Variants in DACH2 observed in about 807,000 individuals in gnomAD.
DACH2 encodes dachshund homolog 2.
DACH2 carries 17 observed loss-of-function variants against 35.8 expected under a neutral mutation model. The ratio of observed to expected loss-of-function variants is 0.48; its 90% CI spans 0.33 to 0.71. DACH2 has a LOEUF of 0.71. Among genes scored for constraint, DACH2 ranks in the 30% least tolerant of loss-of-function variants. The pLI is 0.02. For missense variants in DACH2, 469 were observed against 472.7 expected (o/e 0.99, Z 0.07); for synonymous variants, 195 against 177.3 (o/e 1.10, Z -0.79).
chrX:86,294,821 C>T (rs1164170387), intron 1 of DACH2, among the ~76,000 whole-genome samples: 2 of 105,866 alleles, frequency 1.9e-5, no homozygotes, highest in Non-Finnish European at 3.9e-5. Context: ...CTGCTCTCTT[C>T]AAAGCTGTCA....
chrX:86,746,260 T>C (rs1157028710), intron 7 of DACH2, among the ~76,000 whole-genome samples: 1 of 111,578 alleles, frequency 9.0e-6, no homozygotes, highest in South Asian at 3.7e-4. Flanking sequence ...TTCACATGTA[T>C]ATATACTTAG....
At chrX:86,377,994 T>G (rs1246582112) in intron 2 of DACH2, among the ~76,000 whole-genome samples, 2 of 110,658 alleles carry the variant, frequency 1.8e-5, no homozygotes, top group African/African-American at 6.5e-5. Context: ...TAGATTTTAT[T>G]AATGACTGAG....
At chrX:86,359,059 G>C (rs2035690809) in intron 1 of DACH2, among the ~76,000 whole-genome samples, 1 of 103,466 alleles carries the variant, frequency 9.7e-6, no homozygotes, top group South Asian at 4.7e-4. Context: ...CAGAGAAAGG[G>C]AGAAATAGAA....
chrX:86,441,376 G>A (rs1163782502), intron 2 of DACH2, among the ~76,000 whole-genome samples: 2 of 111,029 alleles, frequency 1.8e-5, no homozygotes, highest in African/African-American at 3.3e-5. Flanking sequence ...TGTGAAGATT[G>A]TCTTTCTATG....
chrX:86,609,677 T>C (rs2039904303), intron 3 of DACH2, among the ~76,000 whole-genome samples: 1 of 111,984 alleles, frequency 8.9e-6, no homozygotes, highest in African/African-American at 3.3e-5. Flanking sequence ...AATGGGAACC[T>C]CAAGCCCAGT....
intron 1 of DACH2, among the ~76,000 whole-genome samples, chrX:86,280,289 T>G (rs984090667): frequency 2.7e-5 from 3 of 111,963 alleles, no homozygotes; most frequent in African/African-American, 6.5e-5. Context: ...AGAGAGTGGG[T>G]GCCAATATTC....
chrX:86,557,181 G>A (rs1043577830), intron 3 of DACH2, among the ~76,000 whole-genome samples: 4 of 110,691 alleles, frequency 3.6e-5, no homozygotes, highest in African/African-American at 9.8e-5. Context: ...TACCCACATT[G>A]GTAAGGGTGG....
At chrX:86,289,472 C>T (rs2034225724) in intron 1 of DACH2, among the ~76,000 whole-genome samples, 1 of 107,495 alleles carries the variant, frequency 9.3e-6, no homozygotes, top group South Asian at 4.2e-4. Context: ...GCATAATGTG[C>T]AGGTTAGTTA....
At position 86,345,899 on chromosome X, in the gene DACH2, C is replaced by G. The variant is rs900606775; in HGVS notation, c.489-30925C>G. Among the ~76,000 whole-genome samples, 3 of 111,969 alleles carry G rather than the reference C, an allele frequency of 2.7e-5. No individual in the cohort carries two copies. In the Admixed American group the frequency reaches 2.9e-4, roughly 11 times the overall value. Reference sequence around the variant, plus strand: ...AAAAATACTGCTTATTGCTAGCAATCTACATTTTTTATATTGCATGATTAA... The same window carrying G: ...AAAAATACTGCTTATTGCTAGCAATGTACATTTTTTATATTGCATGATTAA... On this transcript the variant is annotated intron_variant, in intron 1 of 11. Transcript: ENST00000373125.
In DACH2 at chrX:86,641,983, A is replaced by C. The variant is rs764495563; in HGVS notation, c.641-9053A>C. Among the ~76,000 whole-genome samples the C allele has an allele frequency of 3.6e-5, 4 of 112,053 alleles. No individual in the cohort carries two copies. In the South Asian group the frequency reaches 1.5e-3, roughly 42 times the overall value. ...CCACTAAATATAGAAAGGAAAGATC[A>C]CTACCAGCTAAGACAAAAACACACT... On this transcript the variant is annotated intron_variant, in intron 3 of 11. Transcript: ENST00000373125.
rs527518805 is a variant in DACH2, at chrX:86,514,699, C to T, written c.640+308C>T. Among the ~76,000 whole-genome samples the T allele has an allele frequency of 8.1e-5, 9 of 111,615 alleles. No individual in the cohort carries two copies. In the South Asian group the frequency reaches 2.6e-3, roughly 33 times the overall value. On this transcript the variant is annotated intron_variant, in intron 3 of 11. Transcript: ENST00000373125. ...GGCACTGGCCCAAACAGCATCATCTCGAAGCCTCCTATAGGGTGCAGCACT... is the reference window on the plus strand; with the variant it reads ...GGCACTGGCCCAAACAGCATCATCTTGAAGCCTCCTATAGGGTGCAGCACT...
rs146097530 is a variant in DACH2, at chrX:86,401,011, C to G, written c.527+24149C>G. Reference sequence around the variant, plus strand: ...ACAGAGGCAGGCAGGCCTCCTTGAGCTGTGGTGGACTCCACACAGTTTGAG... The same window carrying G: ...ACAGAGGCAGGCAGGCCTCCTTGAGGTGTGGTGGACTCCACACAGTTTGAG... On this transcript the variant is annotated intron_variant, in intron 2 of 11. Transcript: ENST00000373125. 3.8e-3 allele frequency among the ~76,000 whole-genome samples: 430 copies of G among 112,544 alleles called. 1 individual carries two copies. The highest frequency in any genetic ancestry group is 9.9e-3 in the South Asian group (27 of 2,724).
chrX:86,402,057 G>A (rs1045108894), intron 2 of DACH2, among the ~76,000 whole-genome samples: 1 of 111,944 alleles, frequency 8.9e-6, no homozygotes, highest in Admixed American at 9.5e-5. Context: ...TGCCGTCTAT[G>A]ACAAACCCAC....
intron 3 of DACH2, among the ~76,000 whole-genome samples, chrX:86,628,940 G>C (rs7066341): frequency 0.12 from 13,918 of 111,449 alleles, 749 homozygotes; most frequent in East Asian, 0.32. Context: ...AAACACATTT[G>C]AATTTTCATT....
chrX:86,444,239 C>T (rs915709756), intron 2 of DACH2, among the ~76,000 whole-genome samples: 10 of 111,347 alleles, frequency 9.0e-5, no homozygotes, highest in South Asian at 3.7e-4. Flanking sequence ...GCACACACCA[C>T]GATAACTGGT....
intron 5 of DACH2, among the ~76,000 whole-genome samples, chrX:86,696,781 C>T (rs1358161221): frequency 9.0e-6 from 1 of 111,013 alleles, no homozygotes; most frequent in Non-Finnish European, 1.9e-5. Context: ...TATGGGGCCC[C>T]TACACTTTCA....
chrX:86,499,460 T>C (rs1164113015), intron 2 of DACH2, among the ~76,000 whole-genome samples: 2 of 111,403 alleles, frequency 1.8e-5, no homozygotes, highest in Non-Finnish European at 3.8e-5. Flanking sequence ...CCACAAGGCA[T>C]AGAGGAGGTC....
intron 3 of DACH2, among the ~76,000 whole-genome samples, chrX:86,641,415 A>G (rs1263922030): frequency 1.8e-5 from 2 of 112,249 alleles, no homozygotes; most frequent in African/African-American, 3.2e-5. Context: ...GAAAGAAAAT[A>G]AAAATGAATG....
chrX:86,195,113 T>C (rs2031942625), intron 1 of DACH2, among the ~76,000 whole-genome samples: 1 of 112,906 alleles, frequency 8.9e-6, no homozygotes, highest in Admixed American at 9.3e-5. Flanking sequence ...TGCACATCTT[T>C]TTGCCAGCAT....
Sources: allele counts gnomAD v4.1 joint callset (sites outside exome capture counted in the v4.1 genomes callset), GRCh38; gene constraint gnomAD v4.1.1; transcripts MANE v1.5; gene names NCBI Gene and HGNC (gene_info 2026-07-23, HGNC 2026-07-21).